TDRD3: variants seen among roughly 807,000 people sequenced by gnomAD.
TDRD3 encodes tudor domain-containing protein 3.
A neutral mutation model predicts 86.7 loss-of-function variants in TDRD3; 45 were observed. That is an observed-to-expected ratio of 0.52 (90% CI 0.41 to 0.67). The LOEUF (loss-of-function observed/expected upper bound fraction) is 0.67. TDRD3 is among the 30% of genes least tolerant of loss of function. TDRD3 has a pLI of 0.00. For missense variants in TDRD3, 814 were observed against 889.0 expected (o/e 0.92, Z 1.07); for synonymous variants, 298 against 301.7 (o/e 0.99, Z 0.13).
At chr13:60,489,417 T>C (rs1956527775) in intron 7 of TDRD3, among the ~76,000 whole-genome samples, 2 of 152,236 alleles carry the variant, frequency 1.3e-5, no homozygotes, top group South Asian at 4.1e-4. Flanking sequence ...TTCTTGAATT[T>C]TGGTTGTTCT....
chr13:60,552,587 G>A (rs1052356040), intron 12 of TDRD3, among the ~76,000 whole-genome samples: 3 of 152,198 alleles, frequency 2.0e-5, no homozygotes, highest in African/African-American at 7.2e-5. Context: ...AGCTTCACTA[G>A]GCAGTGCCCC....
At chr13:60,463,093 A>G (rs1306671695) in intron 4 of TDRD3, among the ~76,000 whole-genome samples, 1 of 152,196 alleles carries the variant, frequency 6.6e-6, no homozygotes, top group Non-Finnish European at 1.5e-5. Flanking sequence ...CTCTCACCAT[A>G]TACAAAAATC....
intron 10 of TDRD3, 38 bp downstream of exon 10, chr13:60,510,793 C>CTT: frequency 7.5e-7 from 1 of 1,331,670 alleles, no homozygotes; most frequent in Non-Finnish European, 9.7e-7. Context: ...TTTTTTCTTT[C>CTT]TTTTCTTTCT....
intron 5 of TDRD3, among the ~76,000 whole-genome samples, chr13:60,467,742 G>A (rs752486883): frequency 3.3e-5 from 5 of 152,140 alleles, no homozygotes; most frequent in Non-Finnish European, 7.4e-5. Flanking sequence ...ACACACATAC[G>A]TGCAAGTAAA....
At chr13:60,543,964 G>GT (rs79811167) in intron 12 of TDRD3, among the ~76,000 whole-genome samples, 1,454 of 131,564 alleles carry the variant, frequency 0.011, 11 homozygotes, top group African/African-American at 0.025. Context: ...TAATATAGCT[G>GT]TTTTTTTTTT....
intron 1 of TDRD3, among the ~76,000 whole-genome samples, chr13:60,425,116 A>T (rs1173725261): frequency 2.0e-5 from 3 of 152,234 alleles, no homozygotes; most frequent in Non-Finnish European, 4.4e-5. Context: ...AAAAATGCAT[A>T]ACTATGTAAA....
At chr13:60,456,879 A>G (rs557970579) in intron 3 of TDRD3, among the ~76,000 whole-genome samples, 2 of 152,104 alleles carry the variant, frequency 1.3e-5, no homozygotes, top group South Asian at 4.1e-4. Flanking sequence ...TATTTTTTGT[A>G]GAGATGGGGT....
At chr13:60,417,548 G>A (rs1954554736) in intron 1 of TDRD3, among the ~76,000 whole-genome samples, 1 of 151,338 alleles carries the variant, frequency 6.6e-6, no homozygotes. Context: ...CACCATGTTG[G>A]CCAGGCTAAT....
chr13:60,500,686 G>T, intron 8 of TDRD3, among the ~76,000 whole-genome samples: 1 of 152,224 alleles, frequency 6.6e-6, no homozygotes, highest in Non-Finnish European at 1.5e-5. Flanking sequence ...GTAGCCAATG[G>T]TTTGGCTGGA....
chr13:60,421,787 G>A (rs536047204), intron 1 of TDRD3, among the ~76,000 whole-genome samples: 4 of 152,326 alleles, frequency 2.6e-5, no homozygotes, highest in Admixed American at 2.0e-4. Context: ...CACTTGTGGG[G>A]CTTTGGTGAT....
intron 6 of TDRD3, among the ~76,000 whole-genome samples, chr13:60,484,974 T>C (rs1287602502): frequency 6.6e-6 from 1 of 152,148 alleles, no homozygotes; most frequent in East Asian, 1.9e-4. Context: ...ATAAAAGCTA[T>C]AATTTCAATA....
chr13:60,431,221 T>C (rs187322126), intron 1 of TDRD3, among the ~76,000 whole-genome samples: 29 of 152,226 alleles, frequency 1.9e-4, no homozygotes, highest in African/African-American at 6.7e-4. Context: ...CAGAAACCTT[T>C]AAGCTAGTTT....
In TDRD3 at chr13:60,494,576, G is replaced by T. The variant is rs750105533; in HGVS notation, c.858+1G>T. ...ACATGAAGGTGTCTATAGAGAACTG[G>T]TAAGGCTAAAGAACTAACCACAAAT... is the stretch of plus-strand genomic sequence containing the variant. On this transcript the variant is annotated splice_donor_variant, in intron 8 of 13. Transcript: ENST00000377881. LOFTEE classifies it high-confidence loss of function. 3 of 1,611,964 alleles carry T rather than the reference G, an allele frequency of 1.9e-6. No homozygotes were observed. The highest frequency in any genetic ancestry group is 2.5e-6 in the Non-Finnish European group (3 of 1,179,092).
In TDRD3 at chr13:60,439,030, C is replaced by T. The variant is rs1039521032; in HGVS notation, c.42-658C>T. 7.2e-5 allele frequency among the ~76,000 whole-genome samples: 11 copies of T among 151,936 alleles called. 1 individual carries two copies. Among genetic ancestry groups the T allele is most frequent in the Middle Eastern group, 6.3e-3 (2 of 316 alleles). ...TCCTTCAGATTCAGTAATCTCTTTA[C>T]TCTTGAATTAATTGTCTCTGACAGA... On this transcript the variant is annotated intron_variant, in intron 1 of 13. Coordinates refer to ENST00000377881, the MANE Select transcript of TDRD3 (RefSeq NM_001146070.2).
intron 1 of TDRD3, among the ~76,000 whole-genome samples, chr13:60,439,028 T>C (rs1266238444): frequency 6.6e-6 from 1 of 152,162 alleles, no homozygotes; most frequent in Non-Finnish European, 1.5e-5. Flanking sequence ...GTAATCTCTT[T>C]ACTCTTGAAT....
chr13:60,569,122 C>T (rs1437385022), intron 13 of TDRD3, among the ~76,000 whole-genome samples: 1 of 152,092 alleles, frequency 6.6e-6, no homozygotes, highest in African/African-American at 2.4e-5. Context: ...GTGCACACCA[C>T]CATGCCTAGC....
At chr13:60,561,863 T>G (rs530421106) in intron 12 of TDRD3, among the ~76,000 whole-genome samples, 13 of 117,346 alleles carry the variant, frequency 1.1e-4, no homozygotes, top group South Asian at 7.5e-4. Context: ...GCCCAGGTTT[T>G]TTGTTGTTGT....
intron 1 of TDRD3, among the ~76,000 whole-genome samples, chr13:60,418,557 T>C (rs1400900618): frequency 6.6e-6 from 1 of 152,166 alleles, no homozygotes; most frequent in East Asian, 1.9e-4. Context: ...AAATGTTTAT[T>C]GAATAAATAA....
At chr13:60,432,611 T>C (rs937567724) in intron 1 of TDRD3, among the ~76,000 whole-genome samples, 1 of 152,134 alleles carries the variant, frequency 6.6e-6, no homozygotes, top group Admixed American at 6.6e-5. Context: ...AGAAACAGTT[T>C]AGGCAGAGTG....
Sources: allele counts gnomAD v4.1 joint callset (sites outside exome capture counted in the v4.1 genomes callset), GRCh38; gene constraint gnomAD v4.1.1; transcripts MANE v1.5; gene names NCBI Gene and HGNC (gene_info 2026-07-23, HGNC 2026-07-21).